LIMS1: variants seen among roughly 807,000 people sequenced by gnomAD.
LIMS1 encodes the protein LIM and senescent cell antigen-like-containing domain protein 1.
In LIMS1, 18 loss-of-function variants were observed where a neutral mutation model predicts 44.1. That is an observed-to-expected ratio of 0.41 (90% CI 0.28 to 0.61). The LOEUF (loss-of-function observed/expected upper bound fraction) is 0.61, where lower values mean the gene tolerates loss of function less well. Ranked by LOEUF, LIMS1 falls within the 20% of genes least tolerant of loss-of-function variation. LIMS1 has a pLI of 0.32. For missense variants in LIMS1, 201 were observed against 422.0 expected, an observed-to-expected ratio of 0.48 and a Z score of 4.59; for synonymous variants, 93 against 149.1, an observed-to-expected ratio of 0.62 and a Z score of 2.74.
At chr2:108,543,707 G>A (rs368659874) in intron 1 of LIMS1, among the ~76,000 whole-genome samples, 5 of 152,240 alleles carry the variant, frequency 3.3e-5, no homozygotes, top group African/African-American at 1.2e-4. Context: ...AATCACTTAC[G>A]TCTTCAGGTG....
At chr2:108,588,486 G>T (rs1335782117) in intron 1 of LIMS1, 2 of 985,574 alleles carry the variant, frequency 2.0e-6, no homozygotes, top group African/African-American at 1.7e-5. Context: ...TAAGAGAAGG[G>T]GAGCTGGAGG....
intron 1 of LIMS1, among the ~76,000 whole-genome samples, chr2:108,629,090 T>A (rs1396240940): frequency 6.6e-6 from 1 of 152,240 alleles, no homozygotes; most frequent in Non-Finnish European, 1.5e-5. Context: ...TATAGCTGTT[T>A]AAAGGAAGAC....
rs536576183 is a variant in LIMS1 at position 108,676,463 on chromosome 2, T to C, written c.682-143T>C. The stretch of plus-strand genomic sequence containing the variant: ...CTGAATTACAACTGCAGAAGTATTA[T>C]ATTATGGGGCCACCTATGGCCAAAT... On this transcript the variant is annotated intron_variant, in intron 6 of 9. Coordinates refer to ENST00000544547, the Ensembl canonical transcript of LIMS1. 494 of 1,060,936 alleles carry C rather than the reference T, an allele frequency of 4.7e-4. 3 individuals are homozygous for C. In the African/African-American group the frequency reaches 7.1e-3, roughly 15 times the overall value. 65.7% of individuals were successfully genotyped at this position (1,060,936 alleles called of 1,614,324 possible). A position where few individuals can be genotyped will look rare whatever the true frequency, so the allele number is the denominator to read the frequency against.
At chr2:108,624,788 G>C (rs1161283625) in intron 1 of LIMS1, among the ~76,000 whole-genome samples, 1 of 151,088 alleles carries the variant, frequency 6.6e-6, no homozygotes, top group Non-Finnish European at 1.5e-5. Flanking sequence ...AACAATATAG[G>C]GGCTGGTAGG....
At chr2:108,670,748 G>A (rs1161708098) in intron 2 of LIMS1, 33 bp from the exon 3 acceptor site, 41 of 1,611,778 alleles carry the variant, frequency 2.5e-5, no homozygotes, top group South Asian at 4.4e-5. Flanking sequence ...TGATTGTTTC[G>A]TGTTTGTAAG....
chr2:108,605,022 T>C (rs1687199310), intron 1 of LIMS1, among the ~76,000 whole-genome samples: 1 of 152,214 alleles, frequency 6.6e-6, no homozygotes, highest in Non-Finnish European at 1.5e-5. Flanking sequence ...ACTGCCTTCC[T>C]AGCCTCACCT....
chr2:108,647,748 C>T (rs893466290), intron 1 of LIMS1, among the ~76,000 whole-genome samples: 19 of 152,016 alleles, frequency 1.2e-4, no homozygotes, highest in Admixed American at 5.2e-4. Context: ...CAAAAGGCCT[C>T]GACAAAATTC....
At chr2:108,672,081 C>A (rs1320627474) in intron 3 of LIMS1, among the ~76,000 whole-genome samples, 1 of 147,978 alleles carries the variant, frequency 6.8e-6, no homozygotes, top group Non-Finnish European at 1.5e-5. Flanking sequence ...GCAGGAGAAT[C>A]GCTTGAACCC....
chr2:108,535,637 T>A (rs1466890271), intron 1 of LIMS1, among the ~76,000 whole-genome samples: 5 of 152,388 alleles, frequency 3.3e-5, no homozygotes, highest in Middle Eastern at 6.8e-3. Context: ...ACCATCGCTA[T>A]TGATTTCATT....
At chr2:108,575,359 G>A (rs1009170625) in intron 1 of LIMS1, among the ~76,000 whole-genome samples, 4 of 152,170 alleles carry the variant, frequency 2.6e-5, no homozygotes, top group Non-Finnish European at 5.9e-5. Context: ...GGTGTTGATG[G>A]CTGTGAAACC....
intron 1 of LIMS1, among the ~76,000 whole-genome samples, chr2:108,629,082 T>C (rs1242451576): frequency 1.3e-5 from 2 of 152,236 alleles, no homozygotes; most frequent in Non-Finnish European, 2.9e-5. Context: ...TCTGCTATTA[T>C]AGCTGTTTAA....
chr2:108,585,111 A>G (rs796978311), intron 1 of LIMS1, among the ~76,000 whole-genome samples: 13 of 136,850 alleles, frequency 9.5e-5, no homozygotes, highest in African/African-American at 3.3e-4. Context: ...AGATCACTCC[A>G]TTGCCCACCA....
rs903765244 is a variant in LIMS1 at position 108,579,706 on chromosome 2, G to A, written c.32+45112G>A. Among the ~76,000 whole-genome samples the A allele has an allele frequency of 8.5e-4, 129 of 152,210 alleles. 1 individual carries two copies. The highest frequency in any genetic ancestry group is 3.1e-3 in the African/African-American group (128 of 41,460). ...GTTTGACAGTATTCACAGCGAGCCTGCCCTCTGCCAGGCATGACTGGCATG... is the reference window on the plus strand; with the variant it reads ...GTTTGACAGTATTCACAGCGAGCCTACCCTCTGCCAGGCATGACTGGCATG... On this transcript the variant is annotated intron_variant, in intron 1 of 9. Coordinates refer to ENST00000544547, the Ensembl canonical transcript of LIMS1.
chr2:108,623,381 T>A (rs1388479328), intron 1 of LIMS1, among the ~76,000 whole-genome samples: 1 of 152,184 alleles, frequency 6.6e-6, no homozygotes, highest in Admixed American at 6.5e-5. Context: ...ACAAGTTATA[T>A]AATTTTTTTA....
At chr2:108,672,165 CAAAAAAAAAAA>C (rs559219796) in intron 3 of LIMS1, among the ~76,000 whole-genome samples, 149 bp from the exon 4 acceptor site, 1 of 56,828 alleles carries the variant, frequency 1.8e-5, no homozygotes, top group Non-Finnish European at 3.6e-5. Flanking sequence ...GAAACTGTCT[CAAAAAAAAAAA>C]AAAAAAAAAA....
chr2:108,540,857 T>C (rs1193357237), intron 1 of LIMS1, among the ~76,000 whole-genome samples: 2 of 152,240 alleles, frequency 1.3e-5, no homozygotes, highest in Non-Finnish European at 2.9e-5. Context: ...TATATTACGT[T>C]GGTTTGCTCT....
chr2:108,570,033 T>A (rs1462023438), intron 1 of LIMS1, among the ~76,000 whole-genome samples: 1 of 152,174 alleles, frequency 6.6e-6, no homozygotes, highest in African/African-American at 2.4e-5. Flanking sequence ...CAAAAATCTT[T>A]GATAGGATAA....
At chr2:108,632,620 C>T (rs962076051) in intron 1 of LIMS1, among the ~76,000 whole-genome samples, 4 of 152,036 alleles carry the variant, frequency 2.6e-5, no homozygotes, top group African/African-American at 9.7e-5. Flanking sequence ...GAATGGTAAG[C>T]GAGCCAAAGA....
At chr2:108,562,739 T>C (rs1685166348) in intron 1 of LIMS1, among the ~76,000 whole-genome samples, 1 of 152,136 alleles carries the variant, frequency 6.6e-6, no homozygotes, top group African/African-American at 2.4e-5. Context: ...ATCCAGAAGA[T>C]CTAGCTAAGA....
Sources: allele counts gnomAD v4.1 joint callset (sites outside exome capture counted in the v4.1 genomes callset), GRCh38; gene constraint gnomAD v4.1.1; transcripts MANE v1.5; gene names NCBI Gene and HGNC (gene_info 2026-07-23, HGNC 2026-07-21).